The following FAM117B variants were observed in gnomAD, a reference collection of about 807,000 sequenced individuals.
FAM117B encodes family with sequence similarity 117 member B, also known as protein FAM117B.
In FAM117B, 22 loss-of-function variants were observed where a neutral mutation model predicts 52.8. That is an observed-to-expected ratio of 0.42 (90% CI 0.30 to 0.59). The LOEUF is 0.59. Among genes scored for constraint, FAM117B ranks in the 20% least tolerant of loss-of-function variants. The pLI is 0.22. For synonymous variants in FAM117B, 309 were observed against 324.1 expected (o/e 0.95, Z 0.50); for missense variants, 678 against 802.6 (o/e 0.84, Z 1.88).
chr2:202,756,016 A>G (rs1384141864), intron 5 of FAM117B, among the ~76,000 whole-genome samples: 1 of 152,238 alleles, frequency 6.6e-6, no homozygotes, highest in Non-Finnish European at 1.5e-5. Context: ...AGAAGTTTAC[A>G]TGACATTGAA....
At chr2:202,757,951 C>G (rs1028473201) in intron 6 of FAM117B, among the ~76,000 whole-genome samples, 1 of 152,094 alleles carries the variant, frequency 6.6e-6, no homozygotes, top group Admixed American at 6.6e-5. Flanking sequence ...CCTTAAAATA[C>G]CTTAGAAGTT....
At chr2:202,643,628 C>T (rs913864022) in intron 1 of FAM117B, among the ~76,000 whole-genome samples, 17 of 152,120 alleles carry the variant, frequency 1.1e-4, no homozygotes, top group African/African-American at 3.6e-4. Flanking sequence ...ACATCTTTCT[C>T]CACTCCCTCT....
chr2:202,764,254 G>A (rs74557323), intron 7 of FAM117B, among the ~76,000 whole-genome samples: 3,567 of 151,888 alleles, frequency 0.023, 136 homozygotes, highest in African/African-American at 0.081. Context: ...CATTTTTATT[G>A]AACTGATTTA....
chr2:202,693,055 G>C (rs1690659526), intron 1 of FAM117B, among the ~76,000 whole-genome samples: 1 of 152,148 alleles, frequency 6.6e-6, no homozygotes, highest in Admixed American at 6.5e-5. Flanking sequence ...CCTGTAGGCT[G>C]TAGTTTTCCC....
chr2:202,717,402 G>C (rs1691075516), intron 2 of FAM117B, among the ~76,000 whole-genome samples: 1 of 152,118 alleles, frequency 6.6e-6, no homozygotes, highest in Non-Finnish European at 1.5e-5. Flanking sequence ...AGCCCAGGAA[G>C]GTGAGGCTAC....
intron 7 of FAM117B, among the ~76,000 whole-genome samples, chr2:202,761,542 T>C (rs1691889690): frequency 6.6e-6 from 1 of 152,034 alleles, no homozygotes; most frequent in South Asian, 2.1e-4. Flanking sequence ...ATTTTTTTTC[T>C]TGAGATGGAG....
chr2:202,692,524 AAT>A (rs766443015), intron 1 of FAM117B, among the ~76,000 whole-genome samples: 1 of 152,238 alleles, frequency 6.6e-6, no homozygotes, highest in Non-Finnish European at 1.5e-5. Context: ...AAAATTTCAA[AAT>A]ATAATAATTG....
intron 1 of FAM117B, among the ~76,000 whole-genome samples, chr2:202,660,536 G>T (rs188003181): frequency 6.6e-6 from 1 of 152,226 alleles, no homozygotes; most frequent in Admixed American, 6.5e-5. Context: ...TTTTGGGTCA[G>T]TTCATACATG....
intron 7 of FAM117B, 44 bp downstream of exon 7, chr2:202,759,397 C>CTT: frequency 1.4e-6 from 2 of 1,403,096 alleles, no homozygotes; most frequent in Non-Finnish European, 9.6e-7. Flanking sequence ...CTATTATGAG[C>CTT]TTTTTTTTTT....
Position 202,767,157 on chromosome 2 carries a change from C to CTTTTTTTT in FAM117B, c.*1406_*1413dup, listed in dbSNP as rs558691850. 1 of 110,328 alleles carries CTTTTTTTT rather than the reference C, an allele frequency of 9.1e-6. No homozygotes were observed. The highest frequency in any genetic ancestry group is 1.8e-5 in the Non-Finnish European group (1 of 55,424). The allele number at this position is 110,328 out of a possible 1,614,324, so 6.8% of individuals were successfully genotyped here. Reference sequence around the variant, plus strand: ...ATGTGGTAGTGAGATTAAGGAGCAGCTTTTTTTTTTTTTTTTTTTTGAGAC... The same window carrying CTTTTTTTT: ...ATGTGGTAGTGAGATTAAGGAGCAGCTTTTTTTTTTTTTTTTTTTTTTTTTTTTGAGAC... On this transcript the variant is annotated 3_prime_UTR_variant, in exon 8 of 8. Transcript: ENST00000392238.
intron 2 of FAM117B, among the ~76,000 whole-genome samples, chr2:202,713,404 T>A (rs1191240218): frequency 1.3e-5 from 2 of 152,210 alleles, no homozygotes; most frequent in Non-Finnish European, 2.9e-5. Flanking sequence ...TTTTATTTAT[T>A]TAGATCTCTC....
chr2:202,761,880 T>A (rs1310977693), intron 7 of FAM117B, among the ~76,000 whole-genome samples: 1 of 145,746 alleles, frequency 6.9e-6, no homozygotes, highest in South Asian at 2.1e-4. Context: ...AACCTATTCT[T>A]TTTTTTTTTT....
At chr2:202,738,861 C>A (rs1449123762) in intron 4 of FAM117B, among the ~76,000 whole-genome samples, 1 of 152,120 alleles carries the variant, frequency 6.6e-6, no homozygotes, top group East Asian at 1.9e-4. Context: ...GCTACTTACT[C>A]TATAAAACAA....
intron 7 of FAM117B, among the ~76,000 whole-genome samples, chr2:202,761,057 C>T (rs1317810851): frequency 6.6e-6 from 1 of 152,184 alleles, no homozygotes; most frequent in East Asian, 1.9e-4. Context: ...CACAGGCATG[C>T]CACCACACCC....
chr2:202,760,145 TAGAA>T (rs1272871390), intron 7 of FAM117B, among the ~76,000 whole-genome samples: 3 of 152,394 alleles, frequency 2.0e-5, no homozygotes, highest in Admixed American at 2.0e-4. Flanking sequence ...ACGATTATCT[TAGAA>T]AGTTGACAGT....
intron 1 of FAM117B, among the ~76,000 whole-genome samples, chr2:202,650,833 T>C (rs1287903605): frequency 6.6e-6 from 1 of 152,182 alleles, no homozygotes; most frequent in Non-Finnish European, 1.5e-5. Context: ...TTCTCCTGCC[T>C]GCTTTATTCT....
chr2:202,737,495 A>T lies in FAM117B; in HGVS notation c.960+11132A>T, dbSNP rs551861683. Among the ~76,000 whole-genome samples the T allele has an allele frequency of 5.9e-5, 9 of 152,298 alleles. No individual in the cohort carries two copies. In the South Asian group the frequency reaches 1.9e-3, roughly 32 times the overall value. ...ATCACTCTAACCCTCTCTTTTTGGGAATGACATATAAATGGAATCATACAG... is the reference window on the plus strand; with the variant it reads ...ATCACTCTAACCCTCTCTTTTTGGGTATGACATATAAATGGAATCATACAG... On this transcript the variant is annotated intron_variant, in intron 4 of 7. Coordinates refer to ENST00000392238, the MANE Select transcript of FAM117B (RefSeq NM_173511.4).
intron 7 of FAM117B, among the ~76,000 whole-genome samples, chr2:202,764,051 G>A (rs1464325827): frequency 6.6e-6 from 1 of 152,056 alleles, no homozygotes; most frequent in Non-Finnish European, 1.5e-5. Flanking sequence ...CAGTCTGTGT[G>A]GTAAAGCTTG....
intron 1 of FAM117B, among the ~76,000 whole-genome samples, chr2:202,681,743 C>T (rs1690465663): frequency 6.6e-6 from 1 of 152,188 alleles, no homozygotes; most frequent in African/African-American, 2.4e-5. Flanking sequence ...CATTGTAGAA[C>T]ACTCAGCGAC....
Sources: gnomAD v4.1 joint callset for allele counts (sites outside exome capture counted in the v4.1 genomes callset) on GRCh38, gnomAD v4.1.1 for gene constraint, MANE v1.5 for transcripts, NCBI Gene and HGNC (gene_info 2026-07-23, HGNC 2026-07-21) for gene names.